Variants in LINGO2 observed in about 807,000 individuals in gnomAD.
The protein encoded by LINGO2 is leucine rich repeat and Ig domain containing 2.
Under a neutral mutation model 30.6 loss-of-function variants are expected in LINGO2, and 14 were observed. The observed-to-expected ratio is 0.46, with a 90% CI of 0.30 to 0.72. The LOEUF is 0.72. LINGO2 is among the 30% of genes least tolerant of loss of function. The pLI is 0.07. For synonymous variants in LINGO2, 317 were observed against 288.5 expected (o/e 1.10, Z -1.00); for missense variants, 729 against 751.7 (o/e 0.97, Z 0.35).
At chr9:28,697,859 T>A in the LINGO2 span, among the ~76,000 whole-genome samples, 1 of 152,050 alleles carries the variant, frequency 6.6e-6, no homozygotes, top group Non-Finnish European at 1.5e-5. Flanking sequence ...AAAATAATAT[T>A]TGGTGTTGCA....
intron 2 of LINGO2, among the ~76,000 whole-genome samples, chr9:28,375,514 C>A (rs1203179225): frequency 3.9e-5 from 6 of 152,190 alleles, no homozygotes; most frequent in African/African-American, 1.4e-4. Context: ...AATGCGACTA[C>A]TTTGGACGGA....
chr9:28,303,357 T>C (rs755618775), intron 3 of LINGO2, among the ~76,000 whole-genome samples: 1 of 152,130 alleles, frequency 6.6e-6, no homozygotes, highest in South Asian at 2.1e-4. Context: ...AGCCTGGGAA[T>C]GAGAGGGGCT....
intron 4 of LINGO2, among the ~76,000 whole-genome samples, chr9:28,195,825 GAA>G (rs1819991539): frequency 6.6e-6 from 1 of 151,114 alleles, no homozygotes; most frequent in African/African-American, 2.4e-5. Context: ...TCACAGCATG[GAA>G]AAAAAGATGT....
intron 2 of LINGO2, among the ~76,000 whole-genome samples, chr9:28,430,954 G>A (rs1021734099): frequency 5.3e-5 from 8 of 149,614 alleles, no homozygotes; most frequent in East Asian, 2.0e-4. Flanking sequence ...TGAGGGCCTC[G>A]TTTCCTTGTA....
intron 5 of LINGO2, among the ~76,000 whole-genome samples, chr9:28,003,368 TA>T (rs1822071783): frequency 1.4e-5 from 2 of 146,254 alleles, no homozygotes; most frequent in East Asian, 4.0e-4. Flanking sequence ...GATAGATAGA[TA>T]GATAGATAGA....
At chr9:28,020,807 A>T (rs1823080778) in intron 4 of LINGO2, among the ~76,000 whole-genome samples, 1 of 152,186 alleles carries the variant, frequency 6.6e-6, no homozygotes, top group Non-Finnish European at 1.5e-5. Flanking sequence ...TATCTAAGGT[A>T]ACAAAATTGC....
intron 4 of LINGO2, among the ~76,000 whole-genome samples, chr9:28,211,335 A>G (rs1257451990): frequency 6.8e-6 from 1 of 147,296 alleles, no homozygotes; most frequent in Non-Finnish European, 1.5e-5. Context: ...CCTGCCATTG[A>G]GTTATAAATA....
the LINGO2 span, among the ~76,000 whole-genome samples, chr9:29,168,926 T>C: frequency 6.6e-6 from 1 of 152,124 alleles, no homozygotes; most frequent in African/African-American, 2.4e-5. Flanking sequence ...ATATTAAAGA[T>C]ATAAGGTTTT....
the LINGO2 span, among the ~76,000 whole-genome samples, chr9:29,050,921 G>C: frequency 6.6e-6 from 1 of 152,130 alleles, no homozygotes; most frequent in African/African-American, 2.4e-5. Context: ...TAATTAATTT[G>C]TAGTATCTAA....
the LINGO2 span, among the ~76,000 whole-genome samples, chr9:28,951,083 T>C: frequency 6.6e-6 from 1 of 151,924 alleles, no homozygotes; most frequent in Admixed American, 6.6e-5. Flanking sequence ...TCAGAAATAA[T>C]GCCACACATC....
the LINGO2 span, among the ~76,000 whole-genome samples, chr9:29,059,531 C>A: frequency 6.6e-6 from 1 of 151,684 alleles, no homozygotes; most frequent in Non-Finnish European, 1.5e-5. Flanking sequence ...CAAAGACAGA[C>A]AAATAGACGA....
chr9:28,554,500 A>T (rs1292423334), intron 1 of LINGO2, among the ~76,000 whole-genome samples: 2 of 147,788 alleles, frequency 1.4e-5, no homozygotes, highest in African/African-American at 5.1e-5. Flanking sequence ...CTCATAAAGC[A>T]AGTCCTGAGT....
chr9:28,835,361 G>A, the LINGO2 span, among the ~76,000 whole-genome samples: 10,071 of 152,202 alleles, frequency 0.066, 467 homozygotes, highest in Non-Finnish European at 0.087. Flanking sequence ...AAATGGTAAC[G>A]TATTGTCTTT....
chr9:28,033,597 C>CT (rs1416150984), intron 4 of LINGO2, among the ~76,000 whole-genome samples: 4 of 152,090 alleles, frequency 2.6e-5, no homozygotes, highest in African/African-American at 7.2e-5. Context: ...TGGACTGATG[C>CT]TTTCTCTCCT....
rs548308530 is a variant in LINGO2, at chr9:28,428,114, T to C, written c.-279+47826A>G. Among the ~76,000 whole-genome samples, 3 of 152,218 alleles carry C rather than the reference T, an allele frequency of 2.0e-5. No individual in the cohort carries two copies. The South Asian group carries it at 6.2e-4, about 32-fold the overall frequency. On this transcript the variant is annotated intron_variant, in intron 2 of 5. Transcript: ENST00000379992. ...AACATTGCAAAATATTCCTTAATCA[T>C]AAAAAGGTAATGGGTTGAAGCCAGT...
the LINGO2 span, among the ~76,000 whole-genome samples, chr9:28,848,254 A>T: frequency 3.7e-5 from 4 of 107,600 alleles, no homozygotes; most frequent in South Asian, 2.8e-4. Context: ...ATATATACGC[A>T]TATATAGTGT....
chr9:28,638,091 G>A (rs1047830276), intron 1 of LINGO2, among the ~76,000 whole-genome samples: 1 of 152,122 alleles, frequency 6.6e-6, no homozygotes, highest in Non-Finnish European at 1.5e-5. Flanking sequence ...CGTGGCTTTT[G>A]TCGTTGGTTC....
At chr9:28,833,467 T>G in the LINGO2 span, among the ~76,000 whole-genome samples, 1 of 152,172 alleles carries the variant, frequency 6.6e-6, no homozygotes, top group Non-Finnish European at 1.5e-5. Context: ...TCTTTAGCAC[T>G]TAAAAAATTT....
At chr9:28,676,734 A>G in the LINGO2 span, among the ~76,000 whole-genome samples, 1 of 152,118 alleles carries the variant, frequency 6.6e-6, no homozygotes, top group South Asian at 2.1e-4. Flanking sequence ...AGAGAGGTAC[A>G]TAATTGGATA....
Sources: gnomAD v4.1 joint callset for allele counts (sites outside exome capture counted in the v4.1 genomes callset) on GRCh38, gnomAD v4.1.1 for gene constraint, MANE v1.5 for transcripts, NCBI Gene and HGNC (gene_info 2026-07-23, HGNC 2026-07-21) for gene names.